SRP54: variants seen among roughly 807,000 people sequenced by gnomAD.
SRP54 encodes the protein signal recognition particle subunit SRP54.
In SRP54, 10 loss-of-function variants were observed where a neutral mutation model predicts 64.8. The ratio of observed to expected loss-of-function variants is 0.15; its 90% CI spans 0.10 to 0.26. The LOEUF (loss-of-function observed/expected upper bound fraction) is 0.26. SRP54 is among the 10% of genes least tolerant of loss of function. The probability of loss-of-function intolerance (pLI) is 1.00; values close to 1 mark genes in which losing one functional copy is unlikely to be tolerated. For synonymous variants in SRP54, 193 were observed against 185.6 expected, an observed-to-expected ratio of 1.04 and a Z score of -0.32; for missense variants, 325 against 613.7, an observed-to-expected ratio of 0.53 and a Z score of 4.97.
chr14:35,019,027 C>T lies in SRP54; in HGVS notation c.1109C>T (p.Ala370Val). ...MSKGNEQESM[A>V]RLKKLMTIMD... is the part of the protein sequence containing the mutation. Reference sequence around the variant, plus strand: ...AAAGGAAATGAACAGGAGTCAATGGCAAGGCTAAAGAAATTAATGACAATA... The same window carrying T: ...AAAGGAAATGAACAGGAGTCAATGGTAAGGCTAAAGAAATTAATGACAATA... The change falls in exon 13 of 16, where the codon GCA becomes GTA. Residue 370 changes from alanine (A) to valine (V), a missense_variant. This residue lies in a region of SRP54 where 146 missense variants were observed against 337.4 expected (regional missense o/e 0.43). Coordinates refer to ENST00000216774, the MANE Select transcript of SRP54 (RefSeq NM_003136.4). 6.2e-7 allele frequency: 1 copy of T among 1,613,672 alleles called. No homozygotes were observed. Among genetic ancestry groups the T allele is most frequent in the Non-Finnish European group, 8.5e-7 (1 of 1,179,804 alleles).
chr14:35,009,730 A>C lies in SRP54; in HGVS notation c.485+899A>C, dbSNP rs1409568073. Among the ~76,000 whole-genome samples, 7 of 152,168 alleles carry C rather than the reference A, an allele frequency of 4.6e-5. No individual in the cohort carries two copies. In the East Asian group the frequency reaches 1.3e-3, roughly 29 times the overall value. On this transcript the variant is annotated intron_variant, in intron 7 of 15. Transcript: ENST00000216774. ...TTATATTGGCGGTATTTTTAATATC[A>C]GGAAATTGGAAACACTGCCATGCAC...
intron 2 of SRP54, 131 bp from the exon 3 acceptor site, chr14:34,999,427 C>G: frequency 1.7e-6 from 1 of 595,084 alleles, no homozygotes; most frequent in East Asian, 2.7e-5. Context: ...ATTATCTCTC[C>G]AAGAACTAAC....
chr14:35,005,070 A>G (rs2044235271), intron 4 of SRP54, among the ~76,000 whole-genome samples: 1 of 152,186 alleles, frequency 6.6e-6, no homozygotes, highest in Non-Finnish European at 1.5e-5. Context: ...AGTGGCTTAT[A>G]CCTGTAATCT....
chr14:35,021,593 A>G (rs1272963438), intron 13 of SRP54, among the ~76,000 whole-genome samples: 2 of 151,958 alleles, frequency 1.3e-5, no homozygotes, highest in South Asian at 2.1e-4. Context: ...AGCTTGCACC[A>G]CTGCACTCCA....
At chr14:35,021,259 C>T (rs573836018) in intron 13 of SRP54, among the ~76,000 whole-genome samples, 5 of 152,272 alleles carry the variant, frequency 3.3e-5, no homozygotes, top group African/African-American at 1.2e-4. Flanking sequence ...AAATGGGGTT[C>T]TAAACCATGT....
At chr14:34,993,839 G>A (rs1420255336) in intron 1 of SRP54, among the ~76,000 whole-genome samples, 2 of 151,988 alleles carry the variant, frequency 1.3e-5, no homozygotes, top group Admixed American at 1.3e-4. Context: ...GGCATTACAG[G>A]CATGTGCCAC....
chr14:35,010,840 T>C (rs980816002), intron 7 of SRP54, among the ~76,000 whole-genome samples: 1 of 152,206 alleles, frequency 6.6e-6, no homozygotes, highest in African/African-American at 2.4e-5. Context: ...TAGGGCGTTA[T>C]TTAATAAATG....
chr14:34,995,140 T>TGG (rs2044049466), intron 1 of SRP54, among the ~76,000 whole-genome samples: 2 of 58,496 alleles, frequency 3.4e-5, no homozygotes, highest in African/African-American at 1.0e-4. Context: ...AAAGGGTGTG[T>TGG]GTGTGTGTGT....
At chr14:35,016,693 T>C (rs2044444016) in intron 11 of SRP54, among the ~76,000 whole-genome samples, 1 of 152,192 alleles carries the variant, frequency 6.6e-6, no homozygotes, top group South Asian at 2.1e-4. Context: ...TTTTTCCTGC[T>C]TGAAGGTGAA....
At chr14:34,984,949 G>A (rs551465641) in intron 1 of SRP54, among the ~76,000 whole-genome samples, 22 of 146,606 alleles carry the variant, frequency 1.5e-4, no homozygotes, top group Non-Finnish European at 2.7e-4. Flanking sequence ...TCATGCATAC[G>A]AAAGTGTATA....
chr14:34,991,637 A>G (rs987283456), intron 1 of SRP54, among the ~76,000 whole-genome samples: 3 of 150,154 alleles, frequency 2.0e-5, no homozygotes, highest in African/African-American at 7.3e-5. Context: ...GAGGAAGAGC[A>G]TGCTGGCTAG....
intron 4 of SRP54, among the ~76,000 whole-genome samples, chr14:35,002,735 T>TC (rs1211986789): frequency 1.3e-4 from 16 of 118,644 alleles, no homozygotes; most frequent in African/African-American, 4.5e-4. Context: ...GTGCCTGGCC[T>TC]CCTTTTTTTT....
chr14:35,018,866 TCTAAGA>T, intron 12 of SRP54, 94 bp from the exon 13 acceptor site: 2 of 1,417,990 alleles, frequency 1.4e-6, no homozygotes, highest in Non-Finnish European at 2.0e-6. Context: ...TAAAAATATA[TCTAAGA>T]CTTAGTGTCA....
At chr14:35,024,313 G>T (rs1324151989) in intron 14 of SRP54, among the ~76,000 whole-genome samples, 1 of 152,160 alleles carries the variant, frequency 6.6e-6, no homozygotes, top group African/African-American at 2.4e-5. Context: ...ACAGGCTTGA[G>T]CCACCACGTC....
At chr14:34,987,642 T>G (rs1171485414) in intron 1 of SRP54, among the ~76,000 whole-genome samples, 3 of 152,218 alleles carry the variant, frequency 2.0e-5, no homozygotes, top group African/African-American at 7.2e-5. Context: ...GTGATATACC[T>G]TTGTATTTTA....
chr14:35,018,428 T>G (rs985223844), intron 11 of SRP54, among the ~76,000 whole-genome samples: 1 of 152,198 alleles, frequency 6.6e-6, no homozygotes, highest in Non-Finnish European at 1.5e-5. Context: ...TTTATGTGCC[T>G]TGTTTTCAGG....
intron 1 of SRP54, among the ~76,000 whole-genome samples, chr14:34,984,953 G>A (rs1055055696): frequency 7.4e-5 from 11 of 148,482 alleles, no homozygotes; most frequent in African/African-American, 2.7e-4. Context: ...GCATACGAAA[G>A]TGTATAAAAG....
rs890914190 is a variant in SRP54 at position 35,003,347 on chromosome 14, C to T, written c.255+2327C>T. ...CCTGGTATGAATCAAGGCAGTGGCA[C>T]CAGATGATACTAGTAGTTTCTGGAC... is the stretch of plus-strand genomic sequence containing the variant. On this transcript the variant is annotated intron_variant, in intron 4 of 15. Coordinates refer to ENST00000216774, the MANE Select transcript of SRP54 (RefSeq NM_003136.4). 3.3e-5 allele frequency among the ~76,000 whole-genome samples: 5 copies of T among 151,520 alleles called. No homozygotes were observed. The East Asian group carries it at 9.8e-4, about 30-fold the overall frequency.
rs17102970 is a variant in SRP54, at chr14:35,011,363, T to G, written c.486-146T>G. 103,059 of 498,106 alleles carry G rather than the reference T, an allele frequency of 0.21. 11,651 individuals are homozygous for G. Among genetic ancestry groups the G allele is most frequent in the East Asian group, 0.39 (11,443 of 29,302 alleles). The allele number at this position is 498,106 out of a possible 1,614,324, so 30.9% of individuals were successfully genotyped here. A position where few individuals can be genotyped will look rare whatever the true frequency, so the allele number is the denominator to read the frequency against. On this transcript the variant is annotated intron_variant, in intron 7 of 15. Transcript: ENST00000216774. ...GCTTTTTTAGAAGTAGATTCTGTAT[T>G]TAATACTTTATAGATTTTCCTCTTC...
Sources: allele counts gnomAD v4.1 joint callset (sites outside exome capture counted in the v4.1 genomes callset), GRCh38; gene constraint gnomAD v4.1.1; regional missense constraint gnomAD v4.1.1; transcripts MANE v1.5; gene names NCBI Gene and HGNC (gene_info 2026-07-23, HGNC 2026-07-21).